Variants in PDE10A observed in about 807,000 individuals in gnomAD.
The protein encoded by PDE10A is phosphodiesterase 10A.
Under a neutral mutation model 97.7 loss-of-function variants are expected in PDE10A, and 39 were observed. That is an observed-to-expected ratio of 0.40 (90% CI 0.31 to 0.52). The LOEUF is 0.52. PDE10A is among the 20% of genes least tolerant of loss of function. The probability of loss-of-function intolerance (pLI) is 0.56; values close to 1 mark genes in which losing one functional copy is unlikely to be tolerated. For synonymous variants in PDE10A, 371 were observed against 376.8 expected, an observed-to-expected ratio of 0.98 and a Z score of 0.18; for missense variants, 731 against 1,047.8, an observed-to-expected ratio of 0.70 and a Z score of 4.17.
intron 18 of PDE10A, among the ~76,000 whole-genome samples, chr6:165,357,946 T>C (rs530998360): frequency 6.6e-6 from 1 of 152,266 alleles, no homozygotes; most frequent in African/African-American, 2.4e-5. Context: ...AACATACACA[T>C]TGAAAGTTAT....
At chr6:165,734,126 G>A (rs1419920671) in intron 1 of PDE10A, among the ~76,000 whole-genome samples, 1 of 152,172 alleles carries the variant, frequency 6.6e-6, no homozygotes, top group Non-Finnish European at 1.5e-5. Context: ...AGACTGCAAA[G>A]GACCATCTCT....
chr6:165,815,020 A>T (rs1779372779), intron 1 of PDE10A, among the ~76,000 whole-genome samples: 1 of 152,092 alleles, frequency 6.6e-6, no homozygotes, highest in Non-Finnish European at 1.5e-5. Flanking sequence ...GGAGACGGGG[A>T]GTTTAAAAAA....
rs570909681 is a variant in PDE10A, at chr6:165,339,198, G to A, written c.2976+80C>T. On this transcript the variant is annotated intron_variant, in intron 20 of 21. Transcript: ENST00000539869. ...CCCTTAACATAATATATGATGACAT[G>A]CTTTCCATTTATGTATGATTTTATG... is the stretch of plus-strand genomic sequence containing the variant. The A allele has an allele frequency of 2.0e-3, 1,623 of 832,196 alleles. 6 individuals carry two copies. The highest frequency in any genetic ancestry group is 9.9e-3 in the Middle Eastern group (45 of 4,542). The allele number at this position is 832,196 out of a possible 1,614,324, so 51.6% of individuals were successfully genotyped here. A position where few individuals can be genotyped will look rare whatever the true frequency, so the allele number is the denominator to read the frequency against.
At chr6:165,607,002 T>C (rs914445174) in intron 1 of PDE10A, among the ~76,000 whole-genome samples, 1 of 152,236 alleles carries the variant, frequency 6.6e-6, no homozygotes, top group African/African-American at 2.4e-5. Context: ...CATATACTTA[T>C]TCTGTTGTTA....
intron 1 of PDE10A, among the ~76,000 whole-genome samples, chr6:165,585,835 G>T (rs1004599874): frequency 6.6e-6 from 1 of 152,170 alleles, no homozygotes; most frequent in African/African-American, 2.4e-5. Flanking sequence ...ATGCGAGCCT[G>T]TTGTAAATTA....
chr6:165,813,456 C>T (rs568614308), intron 1 of PDE10A, among the ~76,000 whole-genome samples: 3 of 127,244 alleles, frequency 2.4e-5, no homozygotes, highest in African/African-American at 5.7e-5. Flanking sequence ...GACTTTATGA[C>T]CAAATCAGGT....
At chr6:165,506,790 A>T (rs1034076730) in intron 2 of PDE10A, among the ~76,000 whole-genome samples, 2 of 152,164 alleles carry the variant, frequency 1.3e-5, no homozygotes, top group African/African-American at 4.8e-5. Flanking sequence ...TACTGGCACC[A>T]GCTATAAATA....
In PDE10A at chr6:165,331,805, C is replaced by T. The variant is rs1781356471; in HGVS notation, c.*1220G>A. On this transcript the variant is annotated 3_prime_UTR_variant, in exon 22 of 22. Coordinates refer to ENST00000539869, the MANE Select transcript of PDE10A (RefSeq NM_001385079.1). ...AACCAAAAAGGTGTATAGAAGAAAC[C>T]ATCGAAACCCACAGGCTTCTATGGA... 6.6e-6 allele frequency: 1 copy of T among 152,072 alleles called. No individual in the cohort carries two copies. Among genetic ancestry groups the T allele is most frequent in the Non-Finnish European group, 1.5e-5 (1 of 68,028 alleles). The allele number at this position is 152,072 out of a possible 1,614,324, so 9.4% of individuals were successfully genotyped here.
At chr6:165,952,773 G>A (rs546827191) in intron 1 of PDE10A, among the ~76,000 whole-genome samples, 118 of 152,102 alleles carry the variant, frequency 7.8e-4, no homozygotes, top group African/African-American at 2.8e-3. Context: ...CATGGGCCTA[G>A]TCGTCCTTCA....
In PDE10A at chr6:165,662,066, T is replaced by C. The variant is rs1790298302; in HGVS notation, c.746A>G (p.Gln249Arg). The change falls in exon 1 of 22, where the codon CAG (glutamine) becomes CGG (arginine). Residue 249 changes from glutamine to arginine, a missense_variant. By Grantham distance (43) the Gln-to-Arg change is conservative. Coordinates refer to ENST00000539869, the MANE Select transcript of PDE10A (RefSeq NM_001385079.1). ...GGGGQTPRRP[Q>R]GASFALAAAA... ...GGCGGCGAGGGCGAAGCTGGCGCCC[T>C]GGGGACGCCGCGGAGTTTGGCCGCC... 2 of 1,399,650 alleles carry C rather than the reference T, an allele frequency of 1.4e-6. No individual in the cohort carries two copies. Among genetic ancestry groups the C allele is most frequent in the African/African-American group, 3.0e-5 (2 of 66,374 alleles). The allele number at this position is 1,399,650 out of a possible 1,614,324, so 86.7% of individuals were successfully genotyped here.
rs147692260 is a variant in PDE10A at position 165,782,481 on chromosome 6, C to T, written c.-615+205048G>A. ...CTGCCTACAAAATCGGCTGAGTGCACGGCAGTTCTGATGTGTATGAGGGCT... is the reference window on the plus strand; with the variant it reads ...CTGCCTACAAAATCGGCTGAGTGCATGGCAGTTCTGATGTGTATGAGGGCT... On this transcript the variant is annotated intron_variant, in intron 1 of 19. Coordinates refer to the PDE10A transcript ENST00000366882. Among the ~76,000 whole-genome samples the T allele has an allele frequency of 8.2e-4, 125 of 152,232 alleles. 1 individual carries two copies. The East Asian group carries it at 0.01, about 12-fold the overall frequency.
intron 2 of PDE10A, among the ~76,000 whole-genome samples, chr6:165,522,624 A>G (rs1782197783): frequency 1.3e-5 from 2 of 152,154 alleles, no homozygotes; most frequent in Non-Finnish European, 2.9e-5. Flanking sequence ...ACCTCAAAGT[A>G]GTTAAGAGCC....
intron 1 of PDE10A, among the ~76,000 whole-genome samples, chr6:165,984,335 A>AT (rs200468629): frequency 4.6e-5 from 7 of 152,234 alleles, no homozygotes; most frequent in African/African-American, 9.6e-5. Context: ...CATAGCATAG[A>AT]TTTTTTTAAA....
chr6:165,960,635 G>C (rs1242327598), intron 1 of PDE10A, among the ~76,000 whole-genome samples: 2 of 152,342 alleles, frequency 1.3e-5, no homozygotes, highest in African/African-American at 2.4e-5. Context: ...GATTTTGTGA[G>C]GATGTCAGCA....
intron 16 of PDE10A, among the ~76,000 whole-genome samples, chr6:165,389,632 T>C (rs1049276444): frequency 6.6e-6 from 1 of 152,130 alleles, no homozygotes; most frequent in Admixed American, 6.6e-5. Context: ...GATAGTCAAG[T>C]GGAGATTTGA....
At chr6:165,925,073 A>G (rs546774353) in intron 1 of PDE10A, among the ~76,000 whole-genome samples, 1 of 152,316 alleles carries the variant, frequency 6.6e-6, no homozygotes, top group East Asian at 1.9e-4. Flanking sequence ...AATAGGAAAA[A>G]TGAAATGGGC....
At chr6:165,639,547 G>A (rs1278158053) in intron 1 of PDE10A, among the ~76,000 whole-genome samples, 3 of 151,982 alleles carry the variant, frequency 2.0e-5, no homozygotes, top group African/African-American at 7.2e-5. Flanking sequence ...AGACCAGCCT[G>A]GCCAACATGG....
chr6:165,668,038 T>C (rs1790539802), upstream of PDE10A, among the ~76,000 whole-genome samples: 2 of 152,340 alleles, frequency 1.3e-5, no homozygotes, highest in Non-Finnish European at 1.5e-5. Context: ...TCTGTTTAAA[T>C]AATCAACACT....
intron 1 of PDE10A, among the ~76,000 whole-genome samples, chr6:165,919,510 T>C (rs1432433788): frequency 3.9e-5 from 6 of 152,252 alleles, no homozygotes; most frequent in Non-Finnish European, 7.3e-5. Flanking sequence ...CTGTTAAGGC[T>C]GAGTAGTGAA....
Sources: gnomAD v4.1 joint callset for allele counts (sites outside exome capture counted in the v4.1 genomes callset) on GRCh38, gnomAD v4.1.1 for gene constraint, MANE v1.5 for transcripts, NCBI Gene and HGNC (gene_info 2026-07-23, HGNC 2026-07-21) for gene names.